NOX4: variants seen among roughly 807,000 people sequenced by gnomAD.
The protein encoded by NOX4 is NADPH oxidase 4.
NOX4 carries 69 observed loss-of-function variants against 87.6 expected under a neutral mutation model. The ratio of observed to expected loss-of-function variants is 0.79; its 90% CI spans 0.65 to 0.96. The LOEUF (loss-of-function observed/expected upper bound fraction) is 0.96, where lower values mean the gene tolerates loss of function less well. NOX4 is among the 40% of genes least tolerant of loss of function. NOX4 has a pLI of 0.00. For synonymous variants in NOX4, 275 were observed against 238.2 expected (o/e 1.15, Z -1.42); for missense variants, 680 against 681.5 (o/e 1.00, Z 0.02).
chr11:89,378,179 C>A (rs1281900865), intron 11 of NOX4, among the ~76,000 whole-genome samples: 1 of 152,180 alleles, frequency 6.6e-6, no homozygotes, highest in East Asian at 1.9e-4. Context: ...TGGCCAAGCA[C>A]ATCTGTTTCA....
intron 7 of NOX4, among the ~76,000 whole-genome samples, chr11:89,425,866 T>C (rs552478422): frequency 6.6e-6 from 1 of 152,274 alleles, no homozygotes; most frequent in South Asian, 2.1e-4. Flanking sequence ...TATACATATA[T>C]ATATATCTGT....
intron 8 of NOX4, among the ~76,000 whole-genome samples, chr11:89,410,599 A>G (rs1196689485): frequency 6.6e-6 from 1 of 152,154 alleles, no homozygotes; most frequent in Non-Finnish European, 1.5e-5. Context: ...GGGAGAAGAG[A>G]ACTCAGTGTT....
chr11:89,472,190 A>G (rs963801683), intron 2 of NOX4, among the ~76,000 whole-genome samples: 4 of 152,180 alleles, frequency 2.6e-5, no homozygotes, highest in African/African-American at 7.2e-5. Flanking sequence ...TAAACTACCA[A>G]TTCAGTGTTC....
At chr11:89,452,584 T>C (rs1945011620) in intron 2 of NOX4, among the ~76,000 whole-genome samples, 1 of 152,144 alleles carries the variant, frequency 6.6e-6, no homozygotes, top group Admixed American at 6.6e-5. Flanking sequence ...AAATAATAAT[T>C]GTATATATGT....
intron 2 of NOX4, chr11:89,488,959 T>C (rs2135493051): frequency 1.4e-6 from 1 of 701,672 alleles, no homozygotes; most frequent in Admixed American, 2.0e-5. Flanking sequence ...ACTCTCTGGG[T>C]GCCCATCTGA....
At chr11:89,349,820 A>G (rs1377786849) in intron 13 of NOX4, among the ~76,000 whole-genome samples, 1 of 152,172 alleles carries the variant, frequency 6.6e-6, no homozygotes, top group Non-Finnish European at 1.5e-5. Context: ...TAATTGCCAA[A>G]ATGGTTGCAA....
At chr11:89,548,017 A>G in the NOX4 span, 1 of 151,992 alleles carries the variant, frequency 6.6e-6, no homozygotes, top group East Asian at 1.9e-4. Flanking sequence ...AAAACCTTGG[A>G]AATTTAATTA....
At chr11:89,482,821 G>T (rs1946445079) in intron 2 of NOX4, among the ~76,000 whole-genome samples, 1 of 152,032 alleles carries the variant, frequency 6.6e-6, no homozygotes, top group African/African-American at 2.4e-5. Context: ...AACACAAACA[G>T]TATATTCAGC....
intron 2 of NOX4, among the ~76,000 whole-genome samples, chr11:89,459,359 G>A (rs1945347860): frequency 6.6e-6 from 1 of 151,590 alleles, no homozygotes; most frequent in Admixed American, 6.6e-5. Context: ...TTATTACTTG[G>A]GTGAAAAAAA....
At chr11:89,327,425 C>CA (rs984956639) in intron 17 of NOX4, among the ~76,000 whole-genome samples, 2 of 152,028 alleles carry the variant, frequency 1.3e-5, no homozygotes, top group Middle Eastern at 6.3e-3. Context: ...CACAGTAAAA[C>CA]AAAAAACATA....
chr11:89,436,088 T>A (rs973462345), intron 6 of NOX4, among the ~76,000 whole-genome samples: 1 of 152,194 alleles, frequency 6.6e-6, no homozygotes, highest in Non-Finnish European at 1.5e-5. Flanking sequence ...AAATGACTTT[T>A]ATTCATTCAG....
At chr11:89,505,507 C>A in the NOX4 span, among the ~76,000 whole-genome samples, 1 of 151,912 alleles carries the variant, frequency 6.6e-6, no homozygotes, top group East Asian at 1.9e-4. Flanking sequence ...AGCTGAGACT[C>A]AGAGGAGTCT....
chr11:89,343,529 A>G (rs1347141306), intron 13 of NOX4, among the ~76,000 whole-genome samples: 3 of 152,070 alleles, frequency 2.0e-5, no homozygotes, highest in Non-Finnish European at 4.4e-5. Flanking sequence ...AGATAAAATT[A>G]CTAGTATTTG....
At chr11:89,448,027 C>G (rs903204880) in intron 4 of NOX4, among the ~76,000 whole-genome samples, 1 of 152,080 alleles carries the variant, frequency 6.6e-6, no homozygotes, top group Non-Finnish European at 1.5e-5. Context: ...TCAAAATGGC[C>G]CTGCTATCAA....
At chr11:89,400,849 G>GTATA (rs35185652) in intron 9 of NOX4, among the ~76,000 whole-genome samples, 3 of 149,954 alleles carry the variant, frequency 2.0e-5, no homozygotes, top group Admixed American at 6.7e-5. Context: ...CATATAATAT[G>GTATA]TATATATATA....
the NOX4 span, among the ~76,000 whole-genome samples, chr11:89,563,762 T>C: frequency 4.3e-4 from 65 of 152,270 alleles, no homozygotes; most frequent in Admixed American, 5.9e-4. Flanking sequence ...AATTACAATT[T>C]TGAGTGTTTG....
At chr11:89,565,126 T>C in the NOX4 span, among the ~76,000 whole-genome samples, 1 of 152,360 alleles carries the variant, frequency 6.6e-6, no homozygotes, top group South Asian at 2.1e-4. Context: ...TGAGTCTTCC[T>C]ATTCATGAAC....
chr11:89,495,924 G>C (rs1946943036), upstream of NOX4, among the ~76,000 whole-genome samples: 1 of 152,154 alleles, frequency 6.6e-6, no homozygotes, highest in African/African-American at 2.4e-5. Flanking sequence ...TTCAGGAAGA[G>C]AAAAGAGGAA....
chr11:89,517,056 T>C, the NOX4 span, among the ~76,000 whole-genome samples: 1 of 152,136 alleles, frequency 6.6e-6, no homozygotes, highest in East Asian at 1.9e-4. Flanking sequence ...TAATATTCGG[T>C]TCAATGCGTA....
Sources: allele counts gnomAD v4.1 joint callset (sites outside exome capture counted in the v4.1 genomes callset), GRCh38; gene constraint gnomAD v4.1.1; transcripts MANE v1.5; gene names NCBI Gene and HGNC (gene_info 2026-07-23, HGNC 2026-07-21).